Variants in SEL1L2 observed in about 807,000 individuals in gnomAD.
SEL1L2 encodes the protein SEL1L2 adaptor subunit of SYVN1 ubiquitin ligase, also known as protein sel-1 homolog 2.
Under a neutral mutation model 98.8 loss-of-function variants are expected in SEL1L2, and 89 were observed. That is an observed-to-expected ratio of 0.90 (90% confidence interval 0.76 to 1.07). The LOEUF is 1.07. Among genes scored for constraint, SEL1L2 ranks in the 50% least tolerant of loss-of-function variants. The pLI is 0.00. For synonymous variants in SEL1L2, 262 were observed against 278.5 expected, an observed-to-expected ratio of 0.94 and a Z score of 0.59; for missense variants, 788 against 812.0, an observed-to-expected ratio of 0.97 and a Z score of 0.36.
In SEL1L2 at chr20:13,920,558, TTCTC is replaced by T. The variant is rs571631015; in HGVS notation, c.284-1439_284-1436del. Among the ~76,000 whole-genome samples the T allele has an allele frequency of 3.9e-3, 575 of 146,250 alleles. 5 individuals carry two copies. The highest frequency in any genetic ancestry group is 0.013 in the African/African-American group (523 of 38,938). ...GTGCATATGCACACACACACTATTT[TTCTC>T]TCTCTCTCACACACACTCTCACATA... On this transcript the variant is annotated intron_variant, in intron 3 of 19. Coordinates refer to ENST00000284951, the MANE Select transcript of SEL1L2 (RefSeq NM_025229.2).
chr20:13,852,146 G>T (rs1988367073), intron 18 of SEL1L2, among the ~76,000 whole-genome samples: 1 of 152,186 alleles, frequency 6.6e-6, no homozygotes, highest in South Asian at 2.1e-4. Context: ...TGACTTGGAT[G>T]GGACATTCGG....
chr20:13,970,984 T>C (rs912415149), intron 1 of SEL1L2, among the ~76,000 whole-genome samples: 17 of 151,826 alleles, frequency 1.1e-4, no homozygotes, highest in Middle Eastern at 3.5e-3. Context: ...TTTCAATGTA[T>C]TGTGATAATA....
chr20:13,986,091 A>G (rs1353278965), intron 1 of SEL1L2, among the ~76,000 whole-genome samples: 7 of 152,166 alleles, frequency 4.6e-5, no homozygotes, highest in Non-Finnish European at 8.8e-5. Flanking sequence ...TAATGCTACT[A>G]TTTATGTGTA....
At chr20:13,915,231 G>T in intron 4 of SEL1L2, 1 of 1,289,086 alleles carries the variant, frequency 7.8e-7, no homozygotes, top group Non-Finnish European at 1.0e-6. Flanking sequence ...ATCCAGGTAG[G>T]CATTAGAATC....
chr20:13,887,714 T>A, intron 8 of SEL1L2, 55 bp downstream of exon 8: 1 of 1,149,498 alleles, frequency 8.7e-7, no homozygotes, highest in South Asian at 1.3e-5. Flanking sequence ...ATTGATTTAT[T>A]TTTCTAATTC....
intron 14 of SEL1L2, among the ~76,000 whole-genome samples, chr20:13,867,178 G>A (rs747720845): frequency 3.3e-5 from 5 of 152,134 alleles, no homozygotes; most frequent in Middle Eastern, 3.2e-3. Context: ...CTGAGGACCC[G>A]AAGCGCCACC....
intron 15 of SEL1L2, among the ~76,000 whole-genome samples, chr20:13,866,182 G>A (rs537223094): frequency 1.6e-4 from 25 of 152,302 alleles, no homozygotes; most frequent in African/African-American, 3.6e-4. Context: ...TGTAGCAGAC[G>A]TGTTTAATAA....
intron 8 of SEL1L2, 125 bp from the exon 9 acceptor site, chr20:13,886,567 G>T: frequency 1.2e-6 from 1 of 819,402 alleles, no homozygotes; most frequent in Non-Finnish European, 1.9e-6. Flanking sequence ...AACTAATAGA[G>T]ACAGAAGATC....
chr20:13,909,992 C>A (rs972292355), intron 5 of SEL1L2, among the ~76,000 whole-genome samples: 25 of 152,080 alleles, frequency 1.6e-4, no homozygotes, highest in East Asian at 1.9e-4. Context: ...CCAAACCAAA[C>A]CAAAACAAAC....
At chr20:13,966,609 T>C (rs1214028232) in intron 1 of SEL1L2, among the ~76,000 whole-genome samples, 7 of 152,264 alleles carry the variant, frequency 4.6e-5, no homozygotes, top group Admixed American at 4.6e-4. Flanking sequence ...TGTGAGCCAC[T>C]GCGCCTGGCC....
intron 5 of SEL1L2, among the ~76,000 whole-genome samples, chr20:13,906,222 G>A (rs780257121): frequency 3.3e-5 from 5 of 152,104 alleles, no homozygotes; most frequent in Non-Finnish European, 7.4e-5. Flanking sequence ...GTGTTTTTAA[G>A]GAACTGTTAC....
At chr20:13,926,650 G>A (rs2048920496) in intron 3 of SEL1L2, among the ~76,000 whole-genome samples, 1 of 152,232 alleles carries the variant, frequency 6.6e-6, no homozygotes. Flanking sequence ...AGGCTGTCTA[G>A]AGACTGTACT....
chr20:13,990,623 G>T, upstream of SEL1L2: 1 of 986,630 alleles, frequency 1.0e-6, no homozygotes, highest in Non-Finnish European at 1.6e-6. Flanking sequence ...CTGTGGTGGG[G>T]GCAGGAGTCA....
intron 1 of SEL1L2, among the ~76,000 whole-genome samples, chr20:13,990,150 T>C (rs1024227681): frequency 5.3e-5 from 8 of 152,218 alleles, no homozygotes; most frequent in Non-Finnish European, 8.8e-5. Flanking sequence ...TAGACCTTTA[T>C]GATATTCTAA....
chr20:13,933,569 G>GTTTATGACTCA (rs2049255489), intron 2 of SEL1L2, among the ~76,000 whole-genome samples: 1 of 152,022 alleles, frequency 6.6e-6, no homozygotes. Flanking sequence ...TTGTTTTCAG[G>GTTTATGACTCA]GTTAATCCAT....
intron 2 of SEL1L2, among the ~76,000 whole-genome samples, chr20:13,949,912 T>C (rs918692095): frequency 1.3e-5 from 2 of 152,190 alleles, no homozygotes; most frequent in Non-Finnish European, 2.9e-5. Context: ...CCCATGTTAA[T>C]AGCAGCATTA....
rs375087082 is a variant in SEL1L2 at position 13,887,107 on chromosome 20, TC to T, written c.745+661del. On this transcript the variant is annotated intron_variant, in intron 8 of 19. Transcript: ENST00000284951. ...GAATAATCACTGCTCTTTAATTACT[TC>T]CTATGGATAGTCTGAAAATAAATAT... 4.4e-4 allele frequency among the ~76,000 whole-genome samples: 67 copies of T among 152,282 alleles called. 2 individuals carry two copies. The South Asian group carries it at 0.013, about 31-fold the overall frequency.
chr20:13,913,071 T>C (rs757294832), intron 5 of SEL1L2, among the ~76,000 whole-genome samples: 4 of 152,198 alleles, frequency 2.6e-5, no homozygotes, highest in Non-Finnish European at 5.9e-5. Flanking sequence ...GTCTAGCTTC[T>C]GAACTTCACT....
intron 5 of SEL1L2, 123 bp from the exon 6 acceptor site, chr20:13,888,635 C>CTTT (rs71188192): frequency 0.19 from 37,494 of 201,926 alleles, 3,483 homozygotes; most frequent in Non-Finnish European, 0.21. Context: ...CTTTCTTTCT[C>CTTT]TTTTTTTTTT....
Sources: gnomAD v4.1 joint callset for allele counts (sites outside exome capture counted in the v4.1 genomes callset) on GRCh38, gnomAD v4.1.1 for gene constraint, MANE v1.5 for transcripts, NCBI Gene and HGNC (gene_info 2026-07-23, HGNC 2026-07-21) for gene names.